RBP4: variants seen among roughly 807,000 people sequenced by gnomAD.
RBP4 encodes retinol binding protein 4, also known as retinol-binding protein 4.
RBP4 carries 9 observed loss-of-function variants against 26.2 expected under a neutral mutation model. That is an observed-to-expected ratio of 0.34 (90% CI 0.21 to 0.60). RBP4 has a LOEUF of 0.60. Ranked by LOEUF, RBP4 falls within the 20% of genes least tolerant of loss-of-function variation. The probability of loss-of-function intolerance (pLI) is 0.80; values close to 1 mark genes in which losing one functional copy is unlikely to be tolerated. For synonymous variants in RBP4, 114 were observed against 111.0 expected (o/e 1.03, Z -0.17); for missense variants, 244 against 271.3 (o/e 0.90, Z 0.71).
At chr10:93,596,285 T>C (rs2058302487) in intron 4 of RBP4, among the ~76,000 whole-genome samples, 1 of 152,110 alleles carries the variant, frequency 6.6e-6, no homozygotes, top group African/African-American at 2.4e-5. Context: ...TACTTGGATT[T>C]AGTAAAATTG....
At chr10:93,592,153 AC>A in intron 5 of RBP4, 41 bp from the exon 6 acceptor site, 1 of 1,592,666 alleles carries the variant, frequency 6.3e-7, no homozygotes, top group Non-Finnish European at 8.6e-7. Context: ...CAGAAAGTGG[AC>A]CCAGTTTTTA....
upstream of RBP4, chr10:93,601,255 C>T (rs539650500): frequency 2.2e-3 from 2,745 of 1,221,990 alleles, 52 homozygotes; most frequent in African/African-American, 0.037. Context: ...GCGGCCGCCC[C>T]GCTGCTTTAT....
intron 4 of RBP4, among the ~76,000 whole-genome samples, chr10:93,594,966 C>T (rs1048082581): frequency 6.6e-6 from 1 of 151,892 alleles, no homozygotes; most frequent in African/African-American, 2.4e-5. Flanking sequence ...ATAGTGAGAC[C>T]TGGTATCTAT....
At chr10:93,597,626 G>A (rs963231486) in intron 4 of RBP4, among the ~76,000 whole-genome samples, 12 of 152,194 alleles carry the variant, frequency 7.9e-5, no homozygotes, top group African/African-American at 2.9e-4. Context: ...CATGCCCAAG[G>A]CTGGAGCAGC....
rs770175317 is a variant in RBP4, at chr10:93,593,992, G to A, written c.399C>T (p.Ala133=). 39 of 1,613,774 alleles carry A rather than the reference G, an allele frequency of 2.4e-5. No homozygotes were observed. Among genetic ancestry groups the A allele is most frequent in the Non-Finnish European group, 3.1e-5 (37 of 1,180,040 alleles). ...WIVDTDYDTY[A]VQYSCRLLNL... is the part of the protein sequence containing the mutation. ...TCAGGAGGCGGCAGGAGTACTGCAC[G>A]GCATACGTGTCGTAGTCTGTGTCGA... Residue 133 remains alanine (A), a synonymous_variant, in exon 5 of 6, where the codon GCC becomes GCT. Coordinates refer to ENST00000371464, the MANE Select transcript of RBP4 (RefSeq NM_006744.4).
In RBP4 at chr10:93,593,835, T is replaced by C; in HGVS notation, c.556A>G (p.Ile186Val). The change falls in exon 5 of 6, where the codon ATC becomes GTC. Residue 186 changes from isoleucine to valine, a missense_variant. By Grantham distance (29) the Ile-to-Val change is conservative. Coordinates refer to ENST00000371464, the MANE Select transcript of RBP4 (RefSeq NM_006744.4). Reference sequence around the variant, plus strand: ...GCTCCTGACTCACCGTTGTGGACGATCAGCCTGTACTGCCTGGCCAGGCAC... The same window carrying C: ...GCTCCTGACTCACCGTTGTGGACGACCAGCCTGTACTGCCTGGCCAGGCAC... ...ELCLARQYRL[I>V]VHNGYCDGRS... is the part of the protein sequence containing the mutation. The C allele has an allele frequency of 1.2e-6, 2 of 1,611,810 alleles. No individual in the cohort carries two copies. Among genetic ancestry groups the C allele is most frequent in the Non-Finnish European group, 1.7e-6 (2 of 1,179,854 alleles).
upstream of RBP4, chr10:93,601,375 C>T (rs371864098): frequency 8.0e-7 from 1 of 1,249,178 alleles, no homozygotes; most frequent in Non-Finnish European, 1.0e-6. Context: ...AGCCCGGGCA[C>T]GGGCAGGGTC....
In RBP4 at chr10:93,592,039, C is replaced by A. The variant is rs763442047; in HGVS notation, c.*36G>T. 46 of 1,561,896 alleles carry A rather than the reference C, an allele frequency of 2.9e-5. No individual in the cohort carries two copies. The African/African-American group carries it at 3.5e-4, about 12-fold the overall frequency. On this transcript the variant is annotated 3_prime_UTR_variant, in exon 6 of 6. Coordinates refer to ENST00000371464, the MANE Select transcript of RBP4 (RefSeq NM_006744.4). Reference sequence around the variant, plus strand: ...ATAGAGCTGAAGACTGAGAGCTAATCAGAAGTTCTCAGATGAAACTAGATT... The same window carrying A: ...ATAGAGCTGAAGACTGAGAGCTAATAAGAAGTTCTCAGATGAAACTAGATT...
At chr10:93,601,340 T>A (rs1043383586), upstream of RBP4, 8 of 1,232,094 alleles carry the variant, frequency 6.5e-6, no homozygotes, top group Non-Finnish European at 8.1e-6. Flanking sequence ...CGGGGGCACT[T>A]GCATAACGCG....
Position 93,601,191 on chromosome 10 carries a change from G to T in RBP4, c.-39C>A, listed in dbSNP as rs2058336905. The T allele has an allele frequency of 3.7e-6, 5 of 1,362,296 alleles. No homozygotes were observed. The highest frequency in any genetic ancestry group is 3.5e-5 in the South Asian group (2 of 56,564). The allele number at this position is 1,362,296 out of a possible 1,614,324, so 84.4% of individuals were successfully genotyped here. ...CTCACCACCGGGAGGGGAACCGCGC[G>T]CAAGCCTGGCCGCCGAGTCCGGGCG... On this transcript the variant is annotated 5_prime_UTR_variant, in exon 1 of 6. Coordinates refer to ENST00000371464, the MANE Select transcript of RBP4 (RefSeq NM_006744.4).
At position 93,600,998 on chromosome 10, in the gene RBP4, C is replaced by T. The variant is rs2058334393; in HGVS notation, c.31G>A (p.Ala11Thr). MKWVWALLLL[A>T]ALGSGRAERD... ...TCCGCGCGGCCGCTGCCCAGCGCCG[C>T]CAACAGCAAGAGCGCCCACACCCAC... is the stretch of plus-strand genomic sequence containing the variant. Residue 11 changes from alanine to threonine, a missense_variant, in exon 2 of 6, where the codon GCG becomes ACG. Ala to Thr is a moderately conservative substitution (Grantham distance 58). Transcript: ENST00000371464. The T allele has an allele frequency of 6.2e-7, 1 of 1,612,006 alleles. No homozygotes were observed. Among genetic ancestry groups the T allele is most frequent in the South Asian group, 1.1e-5 (1 of 91,072 alleles).
At chr10:93,593,315 C>A (rs1186021844) in intron 5 of RBP4, among the ~76,000 whole-genome samples, 1 of 152,162 alleles carries the variant, frequency 6.6e-6, no homozygotes, top group Non-Finnish European at 1.5e-5. Flanking sequence ...AAACCCCCAA[C>A]TGAGGAAACC....
At chr10:93,596,515 A>T (rs982937577) in intron 4 of RBP4, among the ~76,000 whole-genome samples, 2 of 152,172 alleles carry the variant, frequency 1.3e-5, no homozygotes, top group African/African-American at 2.4e-5. Flanking sequence ...GCTCCTCTGG[A>T]GAACCAGACA....
chr10:93,594,121 C>T, intron 4 of RBP4, 86 bp from the exon 5 acceptor site: 1 of 1,250,114 alleles, frequency 8.0e-7, no homozygotes, highest in Non-Finnish European at 1.2e-6. Context: ...GGCCTGAGAA[C>T]ACAGTGACTT....
intron 4 of RBP4, 121 bp downstream of exon 4, chr10:93,600,272 A>G: frequency 1.1e-6 from 1 of 901,126 alleles, no homozygotes. Context: ...GGTTCCTGAC[A>G]CTTCCAGACC....
intron 5 of RBP4, among the ~76,000 whole-genome samples, chr10:93,592,358 T>C (rs964892763): frequency 6.6e-6 from 1 of 152,236 alleles, no homozygotes; most frequent in African/African-American, 2.4e-5. Context: ...ACTTGCTGGA[T>C]GAACAGGGCT....
At chr10:93,593,700 G>C (rs1265210149) in intron 5 of RBP4, 123 bp downstream of exon 5, 1 of 1,133,626 alleles carries the variant, frequency 8.8e-7, no homozygotes, top group Non-Finnish European at 1.3e-6. Flanking sequence ...TCAGAAAGGG[G>C]CTCCCAAGAA....
intron 4 of RBP4, among the ~76,000 whole-genome samples, chr10:93,595,199 AG>A (rs1158479903): frequency 1.3e-5 from 2 of 152,188 alleles, no homozygotes; most frequent in Non-Finnish European, 2.9e-5. Flanking sequence ...GAGAAAGAAC[AG>A]TGTCACCCTG....
In RBP4 at chr10:93,601,038, G is replaced by A; in HGVS notation, c.-10C>T. ...CCCACACCCACTTCATCTTGCCCAG[G>A]AATCCGCCCTGCGGGAGACGCGCCT... On this transcript the variant is annotated 5_prime_UTR_variant, in exon 2 of 6. Transcript: ENST00000371464. 6.2e-7 allele frequency: 1 copy of A among 1,608,916 alleles called. No homozygotes were observed.
Sources: gnomAD v4.1 joint callset for allele counts (sites outside exome capture counted in the v4.1 genomes callset) on GRCh38, gnomAD v4.1.1 for gene constraint, MANE v1.5 for transcripts, NCBI Gene and HGNC (gene_info 2026-07-23, HGNC 2026-07-21) for gene names.